The following EPS8L2 variants were observed in gnomAD, a reference collection of about 807,000 sequenced individuals.
EPS8L2 encodes EPS8 signaling adaptor L2.
In EPS8L2, 81 loss-of-function variants were observed where a neutral mutation model predicts 99.4. The observed-to-expected ratio is 0.82, with a 90% confidence interval of 0.68 to 0.98. EPS8L2 has a LOEUF of 0.98. Among genes scored for constraint, EPS8L2 ranks in the 50% least tolerant of loss-of-function variants. The pLI is 0.00. For synonymous variants in EPS8L2, 509 were observed against 407.3 expected (o/e 1.25, Z -3.01); for missense variants, 1,155 against 968.8 (o/e 1.19, Z -2.55).
At chr11:711,577 G>A (rs1330963576) in intron 4 of EPS8L2, among the ~76,000 whole-genome samples, 2 of 152,020 alleles carry the variant, frequency 1.3e-5, no homozygotes, top group Non-Finnish European at 2.9e-5. Flanking sequence ...CAAACTCCTA[G>A]GCTCAAGCAA....
rs2133523329 is a variant in EPS8L2, at chr11:720,456, G to A, written c.328-141G>A. On this transcript the variant is annotated intron_variant, in intron 5 of 20. Transcript: ENST00000318562. Reference sequence around the variant, plus strand: ...CGGTACAGCTGCGGGGTGTGTCCCGGGCCTAGTCCTCATCTTTGGGAGCCC... The same window carrying A: ...CGGTACAGCTGCGGGGTGTGTCCCGAGCCTAGTCCTCATCTTTGGGAGCCC... The A allele has an allele frequency of 2.9e-6, 4 of 1,362,246 alleles. No homozygotes were observed. The South Asian group carries it at 5.2e-5, about 18-fold the overall frequency. The allele number at this position is 1,362,246 out of a possible 1,614,324, so 84.4% of individuals were successfully genotyped here.
chr11:708,554 C>T (rs914296124), intron 1 of EPS8L2: 4 of 152,270 alleles, frequency 2.6e-5, no homozygotes, highest in African/African-American at 9.7e-5. Context: ...AGTCTCAGCC[C>T]CCACCACACC....
intron 4 of EPS8L2, among the ~76,000 whole-genome samples, chr11:719,829 G>C (rs918089654): frequency 1.4e-4 from 22 of 152,134 alleles, no homozygotes; most frequent in Admixed American, 1.4e-3. Context: ...GCGCGGGGCC[G>C]GGCAGCAGTT....
chr11:726,877 G>C, intron 20 of EPS8L2, 24 bp from the exon 21 acceptor site: 1 of 1,608,742 alleles, frequency 6.2e-7, no homozygotes, highest in Non-Finnish European at 8.5e-7. Flanking sequence ...CCCGGCTGAG[G>C]ATGCCCCCAT....
chr11:720,554 C>T (rs1375045180), intron 5 of EPS8L2, 43 bp from the exon 6 acceptor site: 1 of 1,571,330 alleles, frequency 6.4e-7, no homozygotes. Flanking sequence ...GCCAGAGTGC[C>T]CAGACCCCGG....
rs1862346714 is a variant in EPS8L2 at position 726,925 on chromosome 11, G to A, written c.2092G>A (p.Glu698Lys). 6.2e-7 allele frequency: 1 copy of A among 1,613,364 alleles called. No homozygotes were observed. The highest frequency in any genetic ancestry group is 2.2e-5 in the East Asian group (1 of 44,884). ...GAAGCAGCAAAGTGGGTCGGAGCTG[G>A]AAGAACTCATGAACAAGTTTCATTC... The part of the protein sequence containing the change: ...LEKQQSGSEL[E>K]ELMNKFHSMN... Residue 698 changes from glutamate (E) to lysine (K), a missense_variant, in exon 21 of 21, where the codon GAA becomes AAA. Coordinates refer to ENST00000318562, the MANE Select transcript of EPS8L2 (RefSeq NM_022772.4).
At position 726,170 on chromosome 11, in the gene EPS8L2, G is replaced by A. The variant is rs770526607; in HGVS notation, c.1753G>A (p.Glu585Lys). ...CCCAAGCTTCCCGGGGAACAAAGAC[G>A]GTGAGAGCTGCTGCTTCGAGGCGGG... ...LPPSFPGNKD[E>K]LMQHMDEVND... Residue 585 changes from glutamate to lysine, a missense_variant and splice_region_variant, in exon 18 of 21, where the codon GAG (glutamate) becomes AAG (lysine). Physicochemically the swap from Glu to Lys is moderately conservative, Grantham distance 56. Coordinates refer to ENST00000318562, the MANE Select transcript of EPS8L2 (RefSeq NM_022772.4). 2.9e-5 allele frequency: 47 copies of A among 1,607,620 alleles called. 1 individual carries two copies. In the South Asian group the frequency reaches 3.7e-4, roughly 13 times the overall value.
chr11:726,228 G>C, intron 18 of EPS8L2, 58 bp downstream of exon 18: 3 of 1,565,134 alleles, frequency 1.9e-6, no homozygotes, highest in Non-Finnish European at 2.6e-6. Context: ...GGGGGAGGAA[G>C]TGTGGGGGGG....
rs997842979 is a variant in EPS8L2, at chr11:721,369, G to A, written c.768+17G>A. On this transcript the variant is annotated intron_variant, in intron 9 of 20. Transcript: ENST00000318562. ...AAGGAGACGGTGGGTGCCCGGGCCCGGCAGGTGGCCCCTCTCTTCCCCGCC... is the reference window on the plus strand; with the variant it reads ...AAGGAGACGGTGGGTGCCCGGGCCCAGCAGGTGGCCCCTCTCTTCCCCGCC... 1.0e-5 allele frequency: 16 copies of A among 1,539,208 alleles called. No individual in the cohort carries two copies. Among genetic ancestry groups the A allele is most frequent in the Middle Eastern group, 2.2e-4 (1 of 4,522 alleles).
intron 17 of EPS8L2, 64 bp from the exon 18 acceptor site, chr11:726,034 C>A: frequency 7.5e-7 from 1 of 1,331,670 alleles, no homozygotes. Flanking sequence ...GTGGGGAGGT[C>A]CCGGGCAGGT....
chr11:714,659 A>G (rs1024737210), intron 4 of EPS8L2, among the ~76,000 whole-genome samples: 21 of 82,450 alleles, frequency 2.5e-4, no homozygotes, highest in Non-Finnish European at 3.6e-4. Flanking sequence ...TTTTATATTT[A>G]TTTTATTTTA....
At chr11:726,570 G>A (rs1351219566) in intron 19 of EPS8L2, 49 bp from the exon 20 acceptor site, 2 of 1,516,968 alleles carry the variant, frequency 1.3e-6, no homozygotes, top group African/African-American at 1.4e-5. Flanking sequence ...GCGGGCGCCA[G>A]GCAGCCTCGC....
At chr11:708,834 G>C (rs1449144072) in intron 1 of EPS8L2, 2 of 166,400 alleles carry the variant, frequency 1.2e-5, no homozygotes, top group Non-Finnish European at 2.6e-5. Flanking sequence ...CTGGGGTGGG[G>C]CAGGAGTGGC....
chr11:709,407 C>A lies in EPS8L2; in HGVS notation c.-1C>A. ...TCCCGCTGGCCGCCACCCAAGACAC[C>A]ATGAGCCAGTCCGGGGCCGTGAGCT... is the stretch of plus-strand genomic sequence containing the variant. On this transcript the variant is annotated 5_prime_UTR_variant, in exon 2 of 21. Transcript: ENST00000318562. 6.3e-7 allele frequency: 1 copy of A among 1,585,564 alleles called. No individual in the cohort carries two copies. Among genetic ancestry groups the A allele is most frequent in the Non-Finnish European group, 8.6e-7 (1 of 1,167,502 alleles).
intron 5 of EPS8L2, 137 bp downstream of exon 5, chr11:720,360 G>A (rs964016319): frequency 5.8e-5 from 67 of 1,147,616 alleles, no homozygotes; most frequent in Non-Finnish European, 7.7e-5. Context: ...GGAAGAGGAT[G>A]GGACAAGGGT....
In EPS8L2 at chr11:724,525, C is replaced by T. The variant is rs570426201; in HGVS notation, c.1455-199C>T. 7 of 589,830 alleles carry T rather than the reference C, an allele frequency of 1.2e-5. No individual in the cohort carries two copies. The highest frequency in any genetic ancestry group is 7.9e-5 in the South Asian group (4 of 50,872). 36.5% of individuals were successfully genotyped at this position (589,830 alleles called of 1,614,324 possible). On this transcript the variant is annotated intron_variant, in intron 15 of 20. Coordinates refer to ENST00000318562, the MANE Select transcript of EPS8L2 (RefSeq NM_022772.4). This position sits in a 1 kb window ranked among gnomAD's most constrained non-coding sequence, Gnocchi z 5.5. ...CCACCTCCTGCCTGCCCCGCCTCCA[C>T]GCAGGGCCCCAAAGCTCTGGGGCTG...
intron 4 of EPS8L2, among the ~76,000 whole-genome samples, chr11:717,472 C>G (rs1210689696): frequency 6.6e-6 from 1 of 152,228 alleles, no homozygotes; most frequent in Non-Finnish European, 1.5e-5. Flanking sequence ...TGCCACTGGC[C>G]TCTCCCCAGA....
intron 1 of EPS8L2, chr11:708,875 G>A (rs1252575647): frequency 6.0e-6 from 1 of 166,968 alleles, no homozygotes; most frequent in African/African-American, 2.4e-5. Flanking sequence ...TGGACTTCAG[G>A]ACCTACCCCA....
chr11:726,213 C>T, intron 18 of EPS8L2, 43 bp downstream of exon 18: 2 of 1,575,060 alleles, frequency 1.3e-6, no homozygotes, highest in Non-Finnish European at 1.7e-6. Flanking sequence ...GGCCCAGGGC[C>T]ACCTGGGGGA....
Sources: gnomAD v4.1 joint callset for allele counts (sites outside exome capture counted in the v4.1 genomes callset) on GRCh38, gnomAD v4.1.1 for gene constraint, Gnocchi (gnomAD v3.1) non-coding constraint, MANE v1.5 for transcripts, NCBI Gene and HGNC (gene_info 2026-07-23, HGNC 2026-07-21) for gene names.